CACNA2D1: variants seen among roughly 807,000 people sequenced by gnomAD.
CACNA2D1 encodes the protein calcium voltage-gated channel auxiliary subunit alpha2delta 1.
A neutral mutation model predicts 171.5 loss-of-function variants in CACNA2D1; 53 were observed. The ratio of observed to expected loss-of-function variants is 0.31; its 90% confidence interval spans 0.25 to 0.39. The LOEUF (loss-of-function observed/expected upper bound fraction) is 0.39. Among genes scored for constraint, CACNA2D1 ranks in the 10% least tolerant of loss-of-function variants. The pLI is 1.00. For synonymous variants in CACNA2D1, 442 were observed against 443.1 expected (o/e 1.00, Z 0.03); for missense variants, 903 against 1,299.8 (o/e 0.69, Z 4.69).
At chr7:82,252,628 A>G (rs1585227379) in intron 3 of CACNA2D1, among the ~76,000 whole-genome samples, 1 of 152,298 alleles carries the variant, frequency 6.6e-6, no homozygotes, top group Middle Eastern at 3.4e-3. Flanking sequence ...GTGGTGGCTC[A>G]CGCCTGTAAT....
chr7:82,066,324 T>G lies in CACNA2D1; in HGVS notation c.728+131A>C, dbSNP rs953879795. On this transcript the variant is annotated intron_variant, in intron 8 of 38. Coordinates refer to ENST00000356860, the MANE Select transcript of CACNA2D1 (RefSeq NM_000722.4). ...TTCATTTACCTTTACCTATATTTAC[T>G]TATTTTTAAAAATCAGATCACTTTC... 3.0e-5 allele frequency: 37 copies of G among 1,249,882 alleles called. No individual in the cohort carries two copies. In the African/African-American group the frequency reaches 5.0e-4, roughly 17 times the overall value. The allele number at this position is 1,249,882 out of a possible 1,614,324, so 77.4% of individuals were successfully genotyped here.
At chr7:82,299,786 T>C (rs1812778489) in intron 3 of CACNA2D1, among the ~76,000 whole-genome samples, 1 of 152,190 alleles carries the variant, frequency 6.6e-6, no homozygotes, top group Admixed American at 6.5e-5. Context: ...AATTGATTTC[T>C]ACAGCCCTAA....
Position 82,345,811 on chromosome 7 carries a change from C to T in CACNA2D1, c.177+3757G>A, listed in dbSNP as rs368010360. Among the ~76,000 whole-genome samples, 207 of 151,956 alleles carry T rather than the reference C, an allele frequency of 1.4e-3. 1 individual carries two copies. The highest frequency in any genetic ancestry group is 4.7e-3 in the African/African-American group (193 of 41,452). On this transcript the variant is annotated intron_variant, in intron 2 of 38. Transcript: ENST00000356860. Reference sequence around the variant, plus strand: ...GGGGACTGTTTTCCTATTTTTCTGTCTAAAATGTTTTAAATGTGTAAATAC... The same window carrying T: ...GGGGACTGTTTTCCTATTTTTCTGTTTAAAATGTTTTAAATGTGTAAATAC...
intron 5 of CACNA2D1, among the ~76,000 whole-genome samples, chr7:82,117,635 A>G (rs1285156496): frequency 6.6e-6 from 1 of 152,122 alleles, no homozygotes; most frequent in East Asian, 1.9e-4. Context: ...CAAATAACAG[A>G]AAATTAGCTG....
chr7:82,337,857 C>A (rs973616684), intron 2 of CACNA2D1, among the ~76,000 whole-genome samples: 1 of 152,158 alleles, frequency 6.6e-6, no homozygotes, highest in African/African-American at 2.4e-5. Context: ...GCCACCCTGA[C>A]ATAAGTCTTA....
At chr7:82,172,640 T>TTTTTC (rs1491222972) in intron 3 of CACNA2D1, among the ~76,000 whole-genome samples, 6 of 77,282 alleles carry the variant, frequency 7.8e-5, no homozygotes, top group African/African-American at 3.0e-4. Flanking sequence ...TTTTTTTTTT[T>TTTTTC]GGTAAAGATG....
chr7:82,176,734 C>T (rs1392671179), intron 3 of CACNA2D1, among the ~76,000 whole-genome samples: 2 of 151,472 alleles, frequency 1.3e-5, no homozygotes, highest in African/African-American at 4.9e-5. Flanking sequence ...TGCTTCTATT[C>T]AATAAATATT....
intron 3 of CACNA2D1, among the ~76,000 whole-genome samples, chr7:82,171,444 A>ACC (rs1385328016): frequency 6.6e-6 from 1 of 151,884 alleles, no homozygotes; most frequent in Admixed American, 6.6e-5. Flanking sequence ...AGAGTTGGGG[A>ACC]CCCGACTGCC....
intron 3 of CACNA2D1, among the ~76,000 whole-genome samples, chr7:82,275,777 A>G (rs750267035): frequency 2.0e-5 from 3 of 152,188 alleles, no homozygotes; most frequent in Non-Finnish European, 2.9e-5. Context: ...CACAGTAAGC[A>G]CTAAATAATT....
chr7:82,241,728 G>A (rs1265319278), intron 3 of CACNA2D1, among the ~76,000 whole-genome samples: 2 of 152,020 alleles, frequency 1.3e-5, no homozygotes, highest in Non-Finnish European at 2.9e-5. Flanking sequence ...GGTCAGAAGG[G>A]TTAATTCTGG....
intron 3 of CACNA2D1, among the ~76,000 whole-genome samples, chr7:82,261,830 G>A (rs1047992660): frequency 1.3e-5 from 2 of 152,112 alleles, no homozygotes; most frequent in African/African-American, 4.8e-5. Context: ...GACTTCTTTG[G>A]ATGTAACACT....
intron 35 of CACNA2D1, 108 bp downstream of exon 35, chr7:81,962,332 C>A (rs1794234864): frequency 1.2e-6 from 1 of 842,994 alleles, no homozygotes. Flanking sequence ...GATGGGTGAC[C>A]TGTTTTCTCT....
intron 1 of CACNA2D1, among the ~76,000 whole-genome samples, chr7:82,400,184 G>A (rs1826212322): frequency 6.6e-6 from 1 of 150,970 alleles, no homozygotes; most frequent in Non-Finnish European, 1.5e-5. Flanking sequence ...TGGCGATGCG[G>A]GCTCTTTTTT....
chr7:82,039,607 A>G (rs926070189), intron 10 of CACNA2D1, among the ~76,000 whole-genome samples: 3 of 152,216 alleles, frequency 2.0e-5, no homozygotes, highest in African/African-American at 4.8e-5. Flanking sequence ...GATTCATTCT[A>G]TAAAGCAATA....
chr7:82,330,065 C>A (rs1171694804), intron 3 of CACNA2D1, among the ~76,000 whole-genome samples: 16 of 79,198 alleles, frequency 2.0e-4, no homozygotes, highest in African/African-American at 1.1e-3. Flanking sequence ...AACAAGCCCC[C>A]ACCCCCAACA....
chr7:82,099,695 C>T lies in CACNA2D1; in HGVS notation c.527-14795G>A, dbSNP rs1342514613. Among the ~76,000 whole-genome samples, 6 of 57,878 alleles carry T rather than the reference C, an allele frequency of 1.0e-4. 1 individual carries two copies. Among genetic ancestry groups the T allele is most frequent in the African/African-American group, 2.0e-4 (4 of 20,114 alleles). The allele number at this position is 57,878 out of a possible 152,430, so 38.0% of individuals were successfully genotyped here. On this transcript the variant is annotated intron_variant, in intron 6 of 38. Transcript: ENST00000356860. ...CGATCTCCTGACCTCGTGATCCGCC[C>T]GCCTCGGCCTCCCAAAGTGCTGGGA...
intron 3 of CACNA2D1, among the ~76,000 whole-genome samples, chr7:82,307,697 G>C (rs904903719): frequency 2.0e-5 from 3 of 151,968 alleles, no homozygotes; most frequent in Non-Finnish European, 4.4e-5. Context: ...TTTGGGGGTG[G>C]CTCTTGATCT....
At chr7:82,058,443 T>G (rs1201475947) in intron 10 of CACNA2D1, among the ~76,000 whole-genome samples, 3 of 152,156 alleles carry the variant, frequency 2.0e-5, no homozygotes, top group Non-Finnish European at 4.4e-5. Flanking sequence ...TAAAGAACTA[T>G]CCCAATGGTT....
intron 3 of CACNA2D1, among the ~76,000 whole-genome samples, chr7:82,326,991 G>C (rs930294642): frequency 6.6e-6 from 1 of 152,030 alleles, no homozygotes; most frequent in East Asian, 1.9e-4. Context: ...TCTTCGTATT[G>C]CGCCAAGCCA....
Sources: allele counts gnomAD v4.1 joint callset (sites outside exome capture counted in the v4.1 genomes callset), GRCh38; gene constraint gnomAD v4.1.1; transcripts MANE v1.5; gene names NCBI Gene and HGNC (gene_info 2026-07-23, HGNC 2026-07-21).